Variants in KREMEN1 observed in about 807,000 individuals in gnomAD.
KREMEN1 encodes the protein kremen protein 1.
KREMEN1 carries 30 observed loss-of-function variants against 46.5 expected under a neutral mutation model. The observed-to-expected ratio is 0.65, with a 90% CI of 0.48 to 0.88. The LOEUF (loss-of-function observed/expected upper bound fraction) is 0.88, where lower values mean the gene tolerates loss of function less well. KREMEN1 is among the 40% of genes least tolerant of loss of function. KREMEN1 has a pLI of 0.00. For synonymous variants in KREMEN1, 214 were observed against 230.6 expected, an observed-to-expected ratio of 0.93 and a Z score of 0.65; for missense variants, 533 against 596.9, an observed-to-expected ratio of 0.89 and a Z score of 1.11.
rs759520692 is a variant in KREMEN1 at position 29,143,478 on chromosome 22, C to T, written c.*1366C>T. ...ACCCCAAGGGCCGGGCGCGGTGGCT[C>T]ATGCCTGTAATCCCAGCACTTTGGG... On this transcript the variant is annotated 3_prime_UTR_variant, in exon 9 of 9. Coordinates refer to ENST00000400335, the MANE Select transcript of KREMEN1 (RefSeq NM_001039570.3). The T allele has an allele frequency of 1.2e-4, 115 of 984,872 alleles. No individual in the cohort carries two copies. The highest frequency in any genetic ancestry group is 1.4e-4 in the Non-Finnish European group (114 of 829,604). 61.0% of individuals were successfully genotyped at this position (984,872 alleles called of 1,614,324 possible).
At position 29,142,019 on chromosome 22, in the gene KREMEN1, T is replaced by A. The variant is rs748585580; in HGVS notation, c.1284T>A (p.Ile428=). The A allele has an allele frequency of 3.1e-6, 5 of 1,613,576 alleles. No homozygotes were observed. Among genetic ancestry groups the A allele is most frequent in the Non-Finnish European group, 4.2e-6 (5 of 1,179,742 alleles). ...QPGTSGEIWS[I]FYKPSTSISI... is the part of the protein sequence containing the mutation. The stretch of plus-strand genomic sequence containing the variant: ...GGACTTCGGGGGAAATCTGGAGCAT[T>A]TTTTACAAGCCTTCCACTTCAATTT... The change falls in exon 9 of 9, where the codon ATT becomes ATA. Residue 428 remains isoleucine (I), a synonymous_variant. Coordinates refer to ENST00000400335, the MANE Select transcript of KREMEN1 (RefSeq NM_001039570.3).
Position 29,145,140 on chromosome 22 carries a change from C to T in KREMEN1, c.*3028C>T, listed in dbSNP as rs1440330776. ...AGCGACACCCCACAGAAGGCCACTG[C>T]GGCTAGGTAAACACCTGAGAAAGAA... On this transcript the variant is annotated 3_prime_UTR_variant, in exon 9 of 9. Coordinates refer to ENST00000400335, the MANE Select transcript of KREMEN1 (RefSeq NM_001039570.3). 149 of 985,998 alleles carry T rather than the reference C, an allele frequency of 1.5e-4. No individual in the cohort carries two copies. The highest frequency in any genetic ancestry group is 1.7e-4 in the Non-Finnish European group (141 of 830,234). 61.1% of individuals were successfully genotyped at this position (985,998 alleles called of 1,614,324 possible). A position where few individuals can be genotyped will look rare whatever the true frequency, so the allele number is the denominator to read the frequency against.
At chr22:29,150,825 C>G (rs1305299122), downstream of KREMEN1, among the ~76,000 whole-genome samples, 1 of 152,156 alleles carries the variant, frequency 6.6e-6, no homozygotes, top group Non-Finnish European at 1.5e-5. Flanking sequence ...TGCCAAGTGA[C>G]CAACAGACAT....
chr22:29,147,850 A>C (rs1026587058), downstream of KREMEN1, among the ~76,000 whole-genome samples: 10 of 152,124 alleles, frequency 6.6e-5, no homozygotes, highest in Non-Finnish European at 1.2e-4. Flanking sequence ...TCCACTGTTC[A>C]CCATGTGACC....
chr22:29,110,942 C>T (rs530741908), intron 3 of KREMEN1, among the ~76,000 whole-genome samples: 1 of 152,184 alleles, frequency 6.6e-6, no homozygotes, highest in South Asian at 2.1e-4. Flanking sequence ...CTCAGATGTA[C>T]ATAGTTTTTC....
intron 1 of KREMEN1, among the ~76,000 whole-genome samples, chr22:29,089,090 C>G (rs2037771448): frequency 6.6e-6 from 1 of 152,214 alleles, no homozygotes; most frequent in Non-Finnish European, 1.5e-5. Context: ...CTGATACACA[C>G]AGTATCCTAT....
intron 1 of KREMEN1, 59 bp from the exon 2 acceptor site, chr22:29,094,199 G>T: frequency 7.0e-7 from 1 of 1,434,438 alleles, no homozygotes; most frequent in South Asian, 1.3e-5. Context: ...CAACCAAAGA[G>T]GGAGGAAACC....
At chr22:29,137,131 G>A (rs2038672501) in intron 5 of KREMEN1, among the ~76,000 whole-genome samples, 1 of 152,176 alleles carries the variant, frequency 6.6e-6, no homozygotes, top group Non-Finnish European at 1.5e-5. Context: ...TGTGCTGTGT[G>A]CTAATTCTAA....
At chr22:29,082,806 A>G (rs1454447673) in intron 1 of KREMEN1, among the ~76,000 whole-genome samples, 3 of 152,236 alleles carry the variant, frequency 2.0e-5, no homozygotes, top group African/African-American at 4.8e-5. Context: ...TACCTATTCT[A>G]GACCCTGAGC....
chr22:29,138,719 C>T lies in KREMEN1; in HGVS notation c.1060C>T (p.Arg354Trp), dbSNP rs775318250. The T allele has an allele frequency of 3.1e-6, 5 of 1,614,196 alleles. No individual in the cohort carries two copies. Among genetic ancestry groups the T allele is most frequent in the Non-Finnish European group, 4.2e-6 (5 of 1,180,036 alleles). The change falls in exon 7 of 9, where the codon CGG becomes TGG. Residue 354 changes from arginine to tryptophan, a missense_variant. Coordinates refer to ENST00000400335, the MANE Select transcript of KREMEN1 (RefSeq NM_001039570.3). ...EQANLSVSAA[R>W]SSKVLYVITT... Reference sequence around the variant, plus strand: ...GGCCAACCTCAGTGTCAGCGCTGCCCGGTCCTCCAAAGTCCTCTATGTCAT... The same window carrying T: ...GGCCAACCTCAGTGTCAGCGCTGCCTGGTCCTCCAAAGTCCTCTATGTCAT...
Position 29,073,204 on chromosome 22 carries a change from G to A in KREMEN1, c.74G>A (p.Ser25Asn), listed in dbSNP as rs761969272. Reference sequence around the variant, plus strand: ...ACGCTGGCGGCCCGGCCCGCGCCTAGCCCCGGCCTCGGCCCCGGACCCGGT... The same window carrying A: ...ACGCTGGCGGCCCGGCCCGCGCCTAACCCCGGCCTCGGCCCCGGACCCGGT... ...ALTLAARPAP[S>N]PGLGPGPECF... is the part of the protein sequence containing the mutation. Residue 25 changes from serine (S) to asparagine (N), a missense_variant, in exon 1 of 9, where the codon AGC (serine) becomes AAC (asparagine). Transcript: ENST00000400335. This position sits in a 1 kb window ranked among gnomAD's most constrained non-coding sequence, Gnocchi z 4.4. The A allele has an allele frequency of 2.5e-6, 3 of 1,185,120 alleles. No homozygotes were observed. Among genetic ancestry groups the A allele is most frequent in the South Asian group, 3.9e-5 (1 of 25,334 alleles). 73.4% of individuals were successfully genotyped at this position (1,185,120 alleles called of 1,614,324 possible). A position where few individuals can be genotyped will look rare whatever the true frequency, so the allele number is the denominator to read the frequency against.
intron 9 of KREMEN1, among the ~76,000 whole-genome samples, chr22:29,159,935 C>T (rs1377376788): frequency 6.6e-6 from 1 of 152,070 alleles, no homozygotes; most frequent in Non-Finnish European, 1.5e-5. Flanking sequence ...GATAAGGTCT[C>T]TTAGCCCCAT....
At chr22:29,094,151 CTA>C in intron 1 of KREMEN1, 105 bp from the exon 2 acceptor site, 1 of 866,266 alleles carries the variant, frequency 1.2e-6, no homozygotes, top group South Asian at 1.6e-5. Context: ...TAGCAAGACA[CTA>C]TCCATTTCCA....
chr22:29,131,222 T>C (rs1287626867), intron 5 of KREMEN1, among the ~76,000 whole-genome samples: 4 of 152,078 alleles, frequency 2.6e-5, no homozygotes, highest in Non-Finnish European at 1.5e-5. Context: ...AACTGAGATA[T>C]ACAGAGGTTT....
chr22:29,092,958 G>C (rs1344109912), intron 1 of KREMEN1, among the ~76,000 whole-genome samples: 1 of 152,196 alleles, frequency 6.6e-6, no homozygotes, highest in Non-Finnish European at 1.5e-5. Context: ...CTGGGCAACA[G>C]AGTGAGACTC....
At chr22:29,100,183 T>C (rs1046773867) in intron 3 of KREMEN1, among the ~76,000 whole-genome samples, 1 of 150,662 alleles carries the variant, frequency 6.6e-6, no homozygotes, top group Non-Finnish European at 1.5e-5. Flanking sequence ...CGGCGCCATC[T>C]CGGCTCACTG....
chr22:29,075,987 C>G (rs2037564173), intron 1 of KREMEN1, among the ~76,000 whole-genome samples: 2 of 152,164 alleles, frequency 1.3e-5, no homozygotes, highest in Admixed American at 6.5e-5. Context: ...CATTCTTCCT[C>G]TAAGATTCTC....
chr22:29,075,278 G>A (rs2037548569), intron 1 of KREMEN1, among the ~76,000 whole-genome samples: 1 of 152,194 alleles, frequency 6.6e-6, no homozygotes, highest in South Asian at 2.1e-4. Context: ...AGAGAGGTAT[G>A]GGTGGAAATA....
chr22:29,078,336 A>G (rs1047481538), intron 1 of KREMEN1, among the ~76,000 whole-genome samples: 3 of 152,198 alleles, frequency 2.0e-5, no homozygotes, highest in African/African-American at 7.2e-5. Context: ...TGTACACTAC[A>G]TAAATAGTGC....
Sources: allele counts gnomAD v4.1 joint callset (sites outside exome capture counted in the v4.1 genomes callset), GRCh38; gene constraint gnomAD v4.1.1; non-coding constraint Gnocchi (gnomAD v3.1); transcripts MANE v1.5; gene names NCBI Gene and HGNC (gene_info 2026-07-23, HGNC 2026-07-21).